LRPAP1: variants seen among roughly 807,000 people sequenced by gnomAD.
LRPAP1 encodes LDL receptor related protein associated protein 1.
Under a neutral mutation model 39.9 loss-of-function variants are expected in LRPAP1, and 41 were observed. The ratio of observed to expected loss-of-function variants is 1.03; its 90% CI spans 0.80 to 1.33. The LOEUF is 1.33. LRPAP1 is among the 40% of genes most tolerant of loss of function. The pLI is 0.00. For missense variants in LRPAP1, 565 were observed against 482.3 expected (o/e 1.17, Z -1.61); for synonymous variants, 263 against 212.7 (o/e 1.24, Z -2.06).
At chr4:3,517,750 G>C (rs1729762677) in intron 5 of LRPAP1, 1 of 361,374 alleles carries the variant, frequency 2.8e-6, no homozygotes, top group South Asian at 5.8e-5. Context: ...GGGCCGTGCT[G>C]CTGAGGCTGG....
At chr4:3,530,379 C>T (rs1730212228) in intron 1 of LRPAP1, among the ~76,000 whole-genome samples, 1 of 152,254 alleles carries the variant, frequency 6.6e-6, no homozygotes, top group Non-Finnish European at 1.5e-5. Flanking sequence ...GCCTGCCTGC[C>T]ATAGTACCAG....
chr4:3,531,913 C>T, intron 1 of LRPAP1: 7 of 505,538 alleles, frequency 1.4e-5, no homozygotes, highest in South Asian at 1.2e-4. Context: ...TGGTTCTGTC[C>T]CTACGCTCGG....
intron 5 of LRPAP1, 77 bp from the exon 6 acceptor site, chr4:3,516,275 AGTGT>A: frequency 8.8e-7 from 1 of 1,132,166 alleles, no homozygotes; most frequent in Non-Finnish European, 1.3e-6. Context: ...AACCACGCTG[AGTGT>A]GCGTGGAGCC....
Position 3,514,836 on chromosome 4 carries a change from C to A in LRPAP1, c.927G>T (p.Glu309Asp). The A allele has an allele frequency of 6.2e-7, 1 of 1,613,742 alleles. No homozygotes were observed. Among genetic ancestry groups the A allele is most frequent in the Non-Finnish European group, 8.5e-7 (1 of 1,179,916 alleles). Residue 309 changes from glutamate (E) to aspartate (D), a missense_variant, in exon 7 of 8, where the codon GAG becomes GAT. By Grantham distance (45) the Glu-to-Asp change is conservative. Transcript: ENST00000650182. Reference sequence around the variant, plus strand: ...TCACACGCTCGCCGTCGCCCACGCTCTCTGCGTGCCTCAGCTTCTCGTGCG... The same window carrying A: ...TCACACGCTCGCCGTCGCCCACGCTATCTGCGTGCCTCAGCTTCTCGTGCG... ...EIAHEKLRHA[E>D]SVGDGERVSR...
rs1168181418 is a variant in LRPAP1, at chr4:3,518,816, T to C, written c.592+55A>G. The C allele has an allele frequency of 1.2e-5, 8 of 644,664 alleles. No individual in the cohort carries two copies. In the Admixed American group the frequency reaches 1.4e-4, roughly 11 times the overall value. 39.9% of individuals were successfully genotyped at this position (644,664 alleles called of 1,614,324 possible). On this transcript the variant is annotated intron_variant, in intron 4 of 7. Transcript: ENST00000650182. ...CAACGAGCCTCAGGTGCAGGAGGGG[T>C]GGGGGGCAGGAGGGGGTGGGGCAGA...
chr4:3,514,996 T>A lies in LRPAP1; in HGVS notation c.835-68A>T, dbSNP rs1220030530. ...CGCCACGCCATCTTGTGGTCCCGGGTGAACTGCAAGGACGCCAAAGGACGG... is the reference window on the plus strand; with the variant it reads ...CGCCACGCCATCTTGTGGTCCCGGGAGAACTGCAAGGACGCCAAAGGACGG... On this transcript the variant is annotated intron_variant, in intron 6 of 7. Transcript: ENST00000650182. The A allele has an allele frequency of 3.8e-6, 6 of 1,565,578 alleles. No homozygotes were observed. The East Asian group carries it at 1.1e-4, about 29-fold the overall frequency.
At chr4:3,523,191 C>T (rs1301501535) in intron 2 of LRPAP1, among the ~76,000 whole-genome samples, 1 of 152,152 alleles carries the variant, frequency 6.6e-6, no homozygotes, top group Admixed American at 6.5e-5. Flanking sequence ...CACTTCTGTG[C>T]CCCCTGCAAG....
chr4:3,516,541 G>T (rs1251262184), intron 5 of LRPAP1, among the ~76,000 whole-genome samples: 5 of 152,240 alleles, frequency 3.3e-5, no homozygotes, highest in African/African-American at 9.6e-5. Context: ...CGTGGCCTGT[G>T]TGCAGAGGCT....
intron 2 of LRPAP1, among the ~76,000 whole-genome samples, chr4:3,521,609 G>C (rs1236085560): frequency 6.6e-6 from 1 of 152,200 alleles, no homozygotes. Context: ...GGAAGCCTGG[G>C]CCATGGGGGT....
intron 2 of LRPAP1, among the ~76,000 whole-genome samples, chr4:3,522,947 G>GA (rs1729964964): frequency 6.6e-6 from 1 of 152,150 alleles, no homozygotes; most frequent in South Asian, 2.1e-4. Context: ...TGGCACGGGG[G>GA]ACCTCGGGGG....
intron 6 of LRPAP1, chr4:3,515,848 A>G (rs1272335447): frequency 2.0e-6 from 1 of 506,664 alleles, no homozygotes; most frequent in African/African-American, 1.9e-5. Context: ...GACCATCCAC[A>G]GGACCCGCAC....
intron 4 of LRPAP1, 51 bp downstream of exon 4, chr4:3,518,820 G>A: frequency 8.0e-7 from 1 of 1,245,862 alleles, no homozygotes; most frequent in Non-Finnish European, 1.1e-6. Flanking sequence ...GAGGGGTGGG[G>A]GGCAGGAGGG....
In LRPAP1 at chr4:3,511,814, G is replaced by A. The variant is rs1393600842; in HGVS notation, c.*1160C>T. 6.8e-6 allele frequency: 1 copy of A among 146,724 alleles called. No homozygotes were observed. Among genetic ancestry groups the A allele is most frequent in the Non-Finnish European group, 1.5e-5 (1 of 66,798 alleles). 9.1% of individuals were successfully genotyped at this position (146,724 alleles called of 1,614,324 possible). Reference sequence around the variant, plus strand: ...CAGAGCCGGACCCGAGCCTCTTCCAGGCTCAGACACGGGAAGGGAACCACG... The same window carrying A: ...CAGAGCCGGACCCGAGCCTCTTCCAAGCTCAGACACGGGAAGGGAACCACG... On this transcript the variant is annotated 3_prime_UTR_variant, in exon 8 of 8. Transcript: ENST00000650182.
At chr4:3,529,710 A>T (rs1373991922) in intron 1 of LRPAP1, among the ~76,000 whole-genome samples, 1 of 152,186 alleles carries the variant, frequency 6.6e-6, no homozygotes, top group Non-Finnish European at 1.5e-5. Context: ...TCGCCTGATG[A>T]AAGCGGGTCT....
At chr4:3,521,864 G>A (rs115691412) in intron 2 of LRPAP1, among the ~76,000 whole-genome samples, 1,953 of 152,326 alleles carry the variant, frequency 0.013, 39 homozygotes, top group African/African-American at 0.044. Flanking sequence ...GGCCGGGCGC[G>A]GTGGCTCATG....
intron 4 of LRPAP1, 88 bp from the exon 5 acceptor site, chr4:3,518,280 G>A: frequency 1.5e-6 from 2 of 1,345,078 alleles, no homozygotes; most frequent in African/African-American, 1.5e-5. Context: ...CTGCTGGGGA[G>A]CTCAAACTCG....
intron 5 of LRPAP1, among the ~76,000 whole-genome samples, chr4:3,516,550 C>T (rs1729712041): frequency 6.6e-6 from 1 of 152,250 alleles, no homozygotes; most frequent in South Asian, 2.1e-4. Context: ...TGTGCAGAGG[C>T]TGCCAGGACC....
rs1231495252 is a variant in LRPAP1 at position 3,512,667 on chromosome 4, G to C, written c.*307C>G. On this transcript the variant is annotated 3_prime_UTR_variant, in exon 8 of 8. Coordinates refer to ENST00000650182, the MANE Select transcript of LRPAP1 (RefSeq NM_002337.4). ...ATGTAAATCGTGTTGTTTTAGCAGA[G>C]GACTATCAGACCTGACAGCAGCTGG... The C allele has an allele frequency of 3.0e-5, 12 of 406,512 alleles. No homozygotes were observed. The highest frequency in any genetic ancestry group is 5.3e-5 in the Non-Finnish European group (12 of 225,090). 25.2% of individuals were successfully genotyped at this position (406,512 alleles called of 1,614,324 possible).
In LRPAP1 at chr4:3,516,166, C is replaced by A; in HGVS notation, c.784G>T (p.Asp262Tyr). Residue 262 changes from aspartate (D) to tyrosine (Y), a missense_variant, in exon 6 of 8, where the codon GAC (aspartate) becomes TAC (tyrosine). Coordinates refer to ENST00000650182, the MANE Select transcript of LRPAP1 (RefSeq NM_002337.4). ...GTGAGGTTGGCGGACTGCGCCAGGT[C>A]CCACAGGTCAATCACCCTGGGCTCC... ...FEEPRVIDLW[D>Y]LAQSANLTDK... 1 of 1,582,368 alleles carries A rather than the reference C, an allele frequency of 6.3e-7. No homozygotes were observed. Among genetic ancestry groups the A allele is most frequent in the Non-Finnish European group, 8.6e-7 (1 of 1,164,734 alleles).
Sources: gnomAD v4.1 joint callset for allele counts (sites outside exome capture counted in the v4.1 genomes callset) on GRCh38, gnomAD v4.1.1 for gene constraint, MANE v1.5 for transcripts, NCBI Gene and HGNC (gene_info 2026-07-23, HGNC 2026-07-21) for gene names.